Variants in ARMH3 observed in about 807,000 individuals in gnomAD.
ARMH3 encodes the protein armadillo-like helical domain-containing protein 3.
In ARMH3, 60 loss-of-function variants were observed where a neutral mutation model predicts 99.1. The observed-to-expected ratio is 0.61, with a 90% CI of 0.49 to 0.75. The LOEUF is 0.75. Ranked by LOEUF, ARMH3 falls within the 30% of genes least tolerant of loss-of-function variation. The pLI is 0.00. For synonymous variants in ARMH3, 285 were observed against 292.8 expected, an observed-to-expected ratio of 0.97 and a Z score of 0.27; for missense variants, 679 against 843.1, an observed-to-expected ratio of 0.81 and a Z score of 2.41.
intron 23 of ARMH3, among the ~76,000 whole-genome samples, chr10:101,890,762 T>C (rs770713200): frequency 1.3e-5 from 2 of 152,190 alleles, no homozygotes; most frequent in African/African-American, 4.8e-5. Context: ...TGATATCATG[T>C]AGATACCATG....
chr10:101,997,332 G>A (rs947757992), intron 15 of ARMH3, among the ~76,000 whole-genome samples: 12 of 151,274 alleles, frequency 7.9e-5, no homozygotes, highest in Non-Finnish European at 1.8e-4. Flanking sequence ...GGTGGCTCAT[G>A]CCTGTAATCC....
intron 9 of ARMH3, among the ~76,000 whole-genome samples, chr10:102,013,462 G>C (rs1362640682): frequency 1.3e-5 from 2 of 152,194 alleles, no homozygotes; most frequent in African/African-American, 4.8e-5. Context: ...GGGTATGATG[G>C]AAAGGGAATA....
intron 15 of ARMH3, among the ~76,000 whole-genome samples, chr10:102,000,006 C>G (rs1395193045): frequency 6.6e-6 from 1 of 152,100 alleles, no homozygotes; most frequent in East Asian, 1.9e-4. Context: ...TGGCTTGAAC[C>G]TAGGAGGCGG....
chr10:101,921,309 T>G (rs1843297019), intron 23 of ARMH3, among the ~76,000 whole-genome samples: 1 of 152,052 alleles, frequency 6.6e-6, no homozygotes, highest in South Asian at 2.1e-4. Flanking sequence ...TAATTTGTGG[T>G]GACAGAAATC....
chr10:101,958,434 G>T (rs1367183641), intron 20 of ARMH3, among the ~76,000 whole-genome samples: 1 of 152,226 alleles, frequency 6.6e-6, no homozygotes, highest in Non-Finnish European at 1.5e-5. Context: ...TAGTTTAGCA[G>T]TGCAGCTTCA....
chr10:101,977,649 G>A (rs964406278), intron 19 of ARMH3, among the ~76,000 whole-genome samples: 10 of 152,228 alleles, frequency 6.6e-5, no homozygotes, highest in African/African-American at 1.9e-4. Flanking sequence ...CCTTTAAGAG[G>A]TGACTGGGTC....
intron 23 of ARMH3, among the ~76,000 whole-genome samples, chr10:101,890,629 G>T (rs1461687838): frequency 2.6e-5 from 4 of 152,198 alleles, no homozygotes; most frequent in Admixed American, 2.6e-4. Flanking sequence ...ATTCCTGAGG[G>T]TGGGCTAGAT....
chr10:101,898,896 G>T (rs1018000481), intron 23 of ARMH3, among the ~76,000 whole-genome samples: 1 of 152,176 alleles, frequency 6.6e-6, no homozygotes, highest in African/African-American at 2.4e-5. Context: ...TTTACACCTG[G>T]ATGTCTTGCT....
intron 1 of ARMH3, among the ~76,000 whole-genome samples, chr10:102,047,955 C>T (rs764645913): frequency 5.9e-5 from 9 of 152,300 alleles, no homozygotes; most frequent in Non-Finnish European, 1.2e-4. Flanking sequence ...TGTTAAACAT[C>T]ATACAATACT....
At chr10:101,977,463 CTACATGGGAAAT>C (rs1327099310) in intron 19 of ARMH3, among the ~76,000 whole-genome samples, 2 of 151,998 alleles carry the variant, frequency 1.3e-5, no homozygotes, top group Non-Finnish European at 2.9e-5. Flanking sequence ...AAATGGCAAA[CTACATGGGAAAT>C]TACATTTGCA....
At chr10:102,029,339 A>T in intron 5 of ARMH3, 1 of 1,046,092 alleles carries the variant, frequency 9.6e-7, no homozygotes, top group Non-Finnish European at 1.3e-6. Flanking sequence ...ATGTTGTTAT[A>T]TTTTATTTAA....
chr10:102,043,836 T>G (rs1191256248), intron 1 of ARMH3, among the ~76,000 whole-genome samples: 1 of 152,240 alleles, frequency 6.6e-6, no homozygotes, highest in Non-Finnish European at 1.5e-5. Context: ...GGTAAATCAA[T>G]GAAGGCTTTT....
chr10:101,864,078 A>AAC (rs71016353), intron 24 of ARMH3, among the ~76,000 whole-genome samples: 1,117 of 106,168 alleles, frequency 0.011, 21 homozygotes, highest in South Asian at 0.029. Context: ...AAAAAAAAAA[A>AAC]ACACACACAC....
intron 23 of ARMH3, among the ~76,000 whole-genome samples, chr10:101,897,992 G>A (rs915853362): frequency 2.6e-5 from 4 of 152,094 alleles, no homozygotes; most frequent in East Asian, 1.9e-4. Flanking sequence ...CCCAAGTGCC[G>A]GGTGGTTGTT....
intron 13 of ARMH3, among the ~76,000 whole-genome samples, chr10:102,008,386 A>G (rs746331695): frequency 1.5e-4 from 23 of 152,164 alleles, no homozygotes; most frequent in Non-Finnish European, 2.6e-4. Context: ...ACACTTTATC[A>G]ATTTTTTAAA....
chr10:101,987,964 C>T (rs117192430), intron 19 of ARMH3, among the ~76,000 whole-genome samples: 746 of 152,274 alleles, frequency 4.9e-3, no homozygotes, highest in Non-Finnish European at 7.9e-3. Flanking sequence ...AGCTGTGCCA[C>T]GTTAATGTGA....
intron 24 of ARMH3, among the ~76,000 whole-genome samples, chr10:101,858,647 C>T (rs2066788961): frequency 6.6e-6 from 1 of 152,176 alleles, no homozygotes; most frequent in Non-Finnish European, 1.5e-5. Flanking sequence ...TTGCATTCTA[C>T]AGGTTTCCCA....
chr10:101,847,636 TG>T lies in ARMH3; in HGVS notation c.1978-17del. 11 of 1,612,512 alleles carry T rather than the reference TG, an allele frequency of 6.8e-6. No individual in the cohort carries two copies. The highest frequency in any genetic ancestry group is 9.3e-6 in the Non-Finnish European group (11 of 1,178,560). ...TGGATCGAACCTGGGAAAGGGTAGT[TG>T]GGGAAGGTGGGAGGGCGCAGCCAGA... On this transcript the variant is annotated splice_polypyrimidine_tract_variant and intron_variant, in intron 25 of 25. Transcript: ENST00000370033.
At chr10:102,050,373 G>A (rs1160921745) in intron 1 of ARMH3, among the ~76,000 whole-genome samples, 2 of 151,902 alleles carry the variant, frequency 1.3e-5, no homozygotes, top group Non-Finnish European at 2.9e-5. Flanking sequence ...GGCTGAACCC[G>A]AGAGGTGGAG....
Sources: allele counts gnomAD v4.1 joint callset (sites outside exome capture counted in the v4.1 genomes callset), GRCh38; gene constraint gnomAD v4.1.1; transcripts MANE v1.5; gene names NCBI Gene and HGNC (gene_info 2026-07-23, HGNC 2026-07-21).